The following GPHN variants were observed in gnomAD, a reference collection of about 807,000 sequenced individuals.
GPHN encodes the protein gephyrin.
A neutral mutation model predicts 95.5 loss-of-function variants in GPHN; 17 were observed. The ratio of observed to expected loss-of-function variants is 0.18; its 90% CI spans 0.12 to 0.27. GPHN has a LOEUF of 0.27. GPHN is among the 10% of genes least tolerant of loss of function. The probability of loss-of-function intolerance (pLI) is 1.00; values close to 1 mark genes in which losing one functional copy is unlikely to be tolerated. For synonymous variants in GPHN, 320 were observed against 322.5 expected, an observed-to-expected ratio of 0.99 and a Z score of 0.08; for missense variants, 660 against 978.1, an observed-to-expected ratio of 0.67 and a Z score of 4.34.
At chr14:67,653,575 T>C in the GPHN span, 7 of 1,327,862 alleles carry the variant, frequency 5.3e-6, no homozygotes, top group African/African-American at 5.8e-5. Context: ...AGATTAACAG[T>C]AGGCATTAAG....
chr14:67,547,348 T>A, the GPHN span, among the ~76,000 whole-genome samples: 4 of 152,230 alleles, frequency 2.6e-5, no homozygotes, highest in Admixed American at 1.3e-4. Context: ...GGATTGTGTC[T>A]GTCCTCTGCA....
At chr14:66,750,059 C>T (rs1271582758) in intron 2 of GPHN, among the ~76,000 whole-genome samples, 2 of 151,730 alleles carry the variant, frequency 1.3e-5, no homozygotes, top group African/African-American at 2.4e-5. Flanking sequence ...TATAGTCACC[C>T]AGTTTTGCTG....
the GPHN span, chr14:67,593,637 T>G: frequency 1.5e-6 from 1 of 653,914 alleles, no homozygotes; most frequent in East Asian, 2.7e-5. Context: ...ATTTACCTTT[T>G]AAATATAAGT....
At chr14:67,419,266 C>A in the GPHN span, among the ~76,000 whole-genome samples, 1 of 152,146 alleles carries the variant, frequency 6.6e-6, no homozygotes, top group South Asian at 2.1e-4. Flanking sequence ...GTCTGAGGAC[C>A]CCCCAGCACA....
At chr14:67,620,043 C>T in the GPHN span, 3 of 1,611,806 alleles carry the variant, frequency 1.9e-6, no homozygotes, top group Non-Finnish European at 2.5e-6. Flanking sequence ...TGAAGAAATC[C>T]GTCCACTCCG....
At chr14:67,320,780 G>A in the GPHN span, among the ~76,000 whole-genome samples, 1 of 152,154 alleles carries the variant, frequency 6.6e-6, no homozygotes, top group Non-Finnish European at 1.5e-5. Context: ...AAGATGAGTA[G>A]TAGTGTTTTA....
the GPHN span, among the ~76,000 whole-genome samples, chr14:67,538,677 C>G: frequency 6.6e-6 from 1 of 152,102 alleles, no homozygotes; most frequent in Non-Finnish European, 1.5e-5. Context: ...TATTTCAAAA[C>G]CTCTCTGCTC....
chr14:67,248,290 G>A, the GPHN span, among the ~76,000 whole-genome samples: 1 of 152,190 alleles, frequency 6.6e-6, no homozygotes, highest in East Asian at 1.9e-4. Flanking sequence ...GGAGGCTGAG[G>A]TGGGAGGGTC....
intron 2 of GPHN, among the ~76,000 whole-genome samples, chr14:66,713,739 TTTG>T (rs1169281100): frequency 7.6e-6 from 1 of 131,090 alleles, no homozygotes; most frequent in Non-Finnish European, 1.5e-5. Context: ...TGTCATTTTC[TTTG>T]TTGTTTTTTT....
chr14:66,767,387 T>G (rs1480574623), intron 2 of GPHN, among the ~76,000 whole-genome samples: 3 of 148,584 alleles, frequency 2.0e-5, no homozygotes, highest in African/African-American at 7.4e-5. Flanking sequence ...CAAGGAGTAC[T>G]AGAGAGATTA....
At chr14:66,557,913 A>G (rs1218725935) in intron 1 of GPHN, among the ~76,000 whole-genome samples, 1 of 152,184 alleles carries the variant, frequency 6.6e-6, no homozygotes, top group African/African-American at 2.4e-5. Context: ...CTTGCCCTTG[A>G]TTCTCATTTT....
chr14:67,605,530 C>G, the GPHN span, among the ~76,000 whole-genome samples: 1 of 152,010 alleles, frequency 6.6e-6, no homozygotes, highest in East Asian at 1.9e-4. Flanking sequence ...CCTTGCCACT[C>G]TCTTTTTAGT....
At chr14:67,371,143 G>A in the GPHN span, among the ~76,000 whole-genome samples, 126 of 152,118 alleles carry the variant, frequency 8.3e-4, 1 homozygote, top group African/African-American at 2.9e-3. Context: ...GGCCAGGCAC[G>A]GTGGCTCACA....
chr14:67,653,986 A>T, the GPHN span, among the ~76,000 whole-genome samples: 23 of 152,154 alleles, frequency 1.5e-4, no homozygotes, highest in Non-Finnish European at 2.2e-4. Flanking sequence ...ACCTCCATGG[A>T]ACTTTCAACT....
chr14:67,560,703 G>A, the GPHN span, among the ~76,000 whole-genome samples: 1 of 147,546 alleles, frequency 6.8e-6, no homozygotes, highest in Admixed American at 6.7e-5. Flanking sequence ...GGGAATTGCA[G>A]TTTGGAAAAG....
chr14:66,522,015 C>A (rs933244475), intron 1 of GPHN, among the ~76,000 whole-genome samples: 10 of 152,116 alleles, frequency 6.6e-5, no homozygotes, highest in Non-Finnish European at 4.4e-5. Flanking sequence ...CCTGCTTCTG[C>A]CATGAAAATG....
chr14:66,646,858 A>C (rs1248012603), intron 1 of GPHN, among the ~76,000 whole-genome samples: 1 of 151,994 alleles, frequency 6.6e-6, no homozygotes, highest in Non-Finnish European at 1.5e-5. Flanking sequence ...TAAGGTGGTG[A>C]ATTTTATTTT....
the GPHN span, chr14:67,292,748 C>A: frequency 1.3e-6 from 2 of 1,552,794 alleles, no homozygotes; most frequent in Non-Finnish European, 1.8e-6. Context: ...TTGTTGATGT[C>A]TACAAGGTAA....
chr14:66,680,719 C>T (rs1003697698), intron 1 of GPHN, among the ~76,000 whole-genome samples: 6 of 152,060 alleles, frequency 3.9e-5, no homozygotes, highest in African/African-American at 9.7e-5. Context: ...TTCCCTTGCT[C>T]GCCAATATTT....
Sources: allele counts gnomAD v4.1 joint callset (sites outside exome capture counted in the v4.1 genomes callset), GRCh38; gene constraint gnomAD v4.1.1; transcripts MANE v1.5; gene names NCBI Gene and HGNC (gene_info 2026-07-23, HGNC 2026-07-21).